KLK5: variants seen among roughly 807,000 people sequenced by gnomAD.
KLK5 encodes the protein kallikrein-5.
Under a neutral mutation model 24.0 loss-of-function variants are expected in KLK5, and 18 were observed. That is an observed-to-expected ratio of 0.75 (90% CI 0.52 to 1.11). The LOEUF is 1.11. Among genes scored for constraint, KLK5 ranks in the 50% most tolerant of loss-of-function variants. The pLI, the probability that KLK5 is intolerant of heterozygous loss-of-function variation, is 0.00. For synonymous variants in KLK5, 140 were observed against 154.0 expected (o/e 0.91, Z 0.67); for missense variants, 374 against 379.2 (o/e 0.99, Z 0.11).
chr19:50,952,020 C>T (rs2090691567), intron 2 of KLK5, among the ~76,000 whole-genome samples: 1 of 151,950 alleles, frequency 6.6e-6, no homozygotes, highest in Non-Finnish European at 1.5e-5. Context: ...CATACAGTCA[C>T]CCCTACACAG....
At position 50,950,135 on chromosome 19, in the gene KLK5, T is replaced by C. The variant is rs2090674456; in HGVS notation, c.74-19A>G. 2.6e-6 allele frequency: 4 copies of C among 1,568,080 alleles called. No homozygotes were observed. In the Admixed American group the frequency reaches 5.0e-5, roughly 20 times the overall value. On this transcript the variant is annotated intron_variant, in intron 2 of 5. Transcript: ENST00000336334. ...ACATGCTCTGGGAACGGAAAATGGG[T>C]TGGGCGGGGCTCAGAGGCGGGGCTT...
At chr19:50,943,850 T>A in intron 5 of KLK5, 64 bp from the exon 6 acceptor site, 1 of 1,372,196 alleles carries the variant, frequency 7.3e-7, no homozygotes, top group Non-Finnish European at 1.0e-6. Context: ...GAAGGAGACA[T>A]GAGAGACCCA....
chr19:50,948,537 C>T, intron 5 of KLK5, 103 bp downstream of exon 5: 2 of 1,171,398 alleles, frequency 1.7e-6, no homozygotes, highest in Non-Finnish European at 2.5e-6. Flanking sequence ...AACAGGGGTC[C>T]TGACTGTCTT....
In KLK5 at chr19:50,947,771, A is replaced by G. The variant is rs550263834; in HGVS notation, c.726+869T>C. On this transcript the variant is annotated intron_variant, in intron 5 of 5. Transcript: ENST00000336334. The surrounding 1 kb of genome is among the most constrained non-coding windows in gnomAD (Gnocchi z 8.7). ...AACTACCACACGCCTGAAAACTGCC[A>G]AAACTGACATCTGTAACACGGAGTG... Among the ~76,000 whole-genome samples the G allele has an allele frequency of 3.9e-5, 6 of 152,350 alleles. No homozygotes were observed. In the East Asian group the frequency reaches 9.6e-4, roughly 24 times the overall value.
intron 2 of KLK5, among the ~76,000 whole-genome samples, chr19:50,952,191 T>TG (rs1555779062): frequency 1.3e-5 from 2 of 150,574 alleles, no homozygotes; most frequent in Admixed American, 1.3e-4. Context: ...GAACTGCAGA[T>TG]ACCTGCAGTC....
At position 50,949,797 on chromosome 19, in the gene KLK5, C is replaced by CCGTCCCCACCAGCCCT; in HGVS notation, c.335+57_335+58insAGGGCTGGTGGGGACG. The stretch of plus-strand genomic sequence containing the variant: ...CCATGACACCCCCACCCCCACTTCC[C>CCGTCCCCACCAGCCCT]CACCCCCACCCCCACTTCCCCGTCC... On this transcript the variant is annotated intron_variant, in intron 3 of 5. Coordinates refer to ENST00000336334, the MANE Select transcript of KLK5 (RefSeq NM_012427.5). The CCGTCCCCACCAGCCCT allele has an allele frequency of 1.9e-5, 4 of 213,388 alleles. 1 individual carries two copies. Among genetic ancestry groups the CCGTCCCCACCAGCCCT allele is most frequent in the South Asian group, 5.3e-5 (1 of 19,034 alleles). 13.2% of individuals were successfully genotyped at this position (213,388 alleles called of 1,614,324 possible).
chr19:50,947,562 C>T lies in KLK5; in HGVS notation c.726+1078G>A, dbSNP rs1174505291. Among the ~76,000 whole-genome samples the T allele has an allele frequency of 2.6e-5, 4 of 152,114 alleles. No individual in the cohort carries two copies. In the East Asian group the frequency reaches 7.7e-4, roughly 29 times the overall value. ...TGCCCTATTTATGCAGATTCTTGAC[C>T]ACAGAGTTTTTTATTTTTTAACTTT... On this transcript the variant is annotated intron_variant, in intron 5 of 5. Transcript: ENST00000336334. The surrounding 1 kb of genome is among the most constrained non-coding windows in gnomAD (Gnocchi z 8.7).
intron 3 of KLK5, 45 bp downstream of exon 3, chr19:50,949,810 C>CCA: frequency 7.6e-7 from 1 of 1,323,916 alleles, no homozygotes; most frequent in Non-Finnish European, 1.0e-6. Flanking sequence ...CCCCCACCCC[C>CCA]ACTTCCCCGT....
Position 50,949,060 on chromosome 19 carries a change from G to C in KLK5, c.391C>G (p.Gln131Glu), listed in dbSNP as rs1482512282. The C allele has an allele frequency of 1.2e-6, 2 of 1,613,648 alleles. No homozygotes were observed. The highest frequency in any genetic ancestry group is 1.7e-5 in the Admixed American group (1 of 59,984). The change falls in exon 4 of 6, where the codon CAG (glutamine) becomes GAG (glutamate). Residue 131 changes from glutamine to glutamate, a missense_variant. Physicochemically the swap from Gln to Glu is conservative, Grantham distance 29. Coordinates refer to ENST00000336334, the MANE Select transcript of KLK5 (RefSeq NM_012427.5). ...GATTTGACCCCCTGGAACATCTGCTGCCCAGATTCATAAACTGGTGACAGG... is the reference window on the plus strand; with the variant it reads ...GATTTGACCCCCTGGAACATCTGCTCCCCAGATTCATAAACTGGTGACAGG... ...YSLSPVYESG[Q>E]QMFQGVKSIP...
At chr19:50,951,445 G>C (rs1364230826) in intron 2 of KLK5, among the ~76,000 whole-genome samples, 2 of 151,910 alleles carry the variant, frequency 1.3e-5, no homozygotes, top group Non-Finnish European at 2.9e-5. Flanking sequence ...CTAATTTTTT[G>C]TATTTTTAGT....
intron 2 of KLK5, 71 bp downstream of exon 2, chr19:50,952,514 G>T: frequency 1.7e-6 from 2 of 1,159,374 alleles, no homozygotes; most frequent in Non-Finnish European, 2.5e-6. Flanking sequence ...TTCCCCAGGG[G>T]ACAGGCGCTC....
At chr19:50,949,164 G>A (rs375014648) in intron 3 of KLK5, 49 bp from the exon 4 acceptor site, 78 of 1,575,340 alleles carry the variant, frequency 5.0e-5, no homozygotes, top group Admixed American at 6.8e-5. Flanking sequence ...CTATCTCCAC[G>A]TCCAACGCCA....
In KLK5 at chr19:50,953,000, C is replaced by G. The variant is rs1377034325; in HGVS notation, c.-265G>C. On this transcript the variant is annotated 5_prime_UTR_variant, in exon 1 of 6. Coordinates refer to ENST00000336334, the MANE Select transcript of KLK5 (RefSeq NM_012427.5). ...GATTTGCTCCCAGCTCAGCCGCAGA[C>G]TTCTCAGGCCTGTGCCTTCCTGGCC... 4.8e-6 allele frequency: 1 copy of G among 209,656 alleles called. No homozygotes were observed. The highest frequency in any genetic ancestry group is 9.4e-6 in the Non-Finnish European group (1 of 105,920). 13.0% of individuals were successfully genotyped at this position (209,656 alleles called of 1,614,324 possible). A position where few individuals can be genotyped will look rare whatever the true frequency, so the allele number is the denominator to read the frequency against.
In KLK5 at chr19:50,943,755, C is replaced by T. The variant is rs1221892821; in HGVS notation, c.758G>A (p.Gly253Asp). Residue 253 changes from glycine to aspartate, a missense_variant, in exon 6 of 6, where the codon GGC (glycine) becomes GAC (aspartate). Gly to Asp is a moderately conservative substitution (Grantham distance 94). Coordinates refer to ENST00000336334, the MANE Select transcript of KLK5 (RefSeq NM_012427.5). ...GDSGGPVVCN[G>D]SLQGLVSWGD... ...CCAGGACACGAGTCCCTGCAGGGAG[C>T]CATTGCAGACCACAGGCCCCCCAGA... 1.2e-6 allele frequency: 2 copies of T among 1,613,450 alleles called. No individual in the cohort carries two copies. Among genetic ancestry groups the T allele is most frequent in the East Asian group, 2.2e-5 (1 of 44,842 alleles).
chr19:50,952,600 G>C lies in KLK5; in HGVS notation c.58C>G (p.Leu20Val), dbSNP rs780814101. The C allele has an allele frequency of 1.6e-5, 25 of 1,606,514 alleles. No homozygotes were observed. In the South Asian group the frequency reaches 2.1e-4, roughly 14 times the overall value. Residue 20 changes from leucine (L) to valine (V), a missense_variant, in exon 2 of 6, where the codon CTT (leucine) becomes GTT (valine). By Grantham distance (32) the Leu-to-Val change is conservative. Coordinates refer to ENST00000336334, the MANE Select transcript of KLK5 (RefSeq NM_012427.5). Reference protein sequence around the residue: ...WVLCALITALLLGVTEHVLAN... With the variant: ...WVLCALITALVLGVTEHVLAN... The stretch of plus-strand genomic sequence containing the variant: ...TTCTGGTTACCTGTGACCCCCAGAA[G>C]CAAGGCTGTGATCAGAGCACAGAGC...
intron 5 of KLK5, among the ~76,000 whole-genome samples, chr19:50,944,637 C>T (rs2090615336): frequency 6.6e-6 from 1 of 152,202 alleles, no homozygotes; most frequent in Non-Finnish European, 1.5e-5. Context: ...GATCTGGGCA[C>T]TGTGGGCATC....
chr19:50,949,166 C>T, intron 3 of KLK5, 51 bp from the exon 4 acceptor site: 1 of 1,574,314 alleles, frequency 6.4e-7, no homozygotes, highest in Non-Finnish European at 8.6e-7. Context: ...ATCTCCACGT[C>T]CAACGCCAAT....
chr19:50,952,458 A>G, intron 2 of KLK5, 127 bp downstream of exon 2: 1 of 575,502 alleles, frequency 1.7e-6, no homozygotes, highest in Non-Finnish European at 2.9e-6. Flanking sequence ...GTACAGACAG[A>G]GACTCACATT....
chr19:50,950,973 G>T (rs1416741984), intron 2 of KLK5, among the ~76,000 whole-genome samples: 1 of 151,398 alleles, frequency 6.6e-6, no homozygotes, highest in Non-Finnish European at 1.5e-5. Context: ...TGGCCCAAAG[G>T]GGTGTGGCCT....
Sources: allele counts gnomAD v4.1 joint callset (sites outside exome capture counted in the v4.1 genomes callset), GRCh38; gene constraint gnomAD v4.1.1; non-coding constraint Gnocchi (gnomAD v3.1); transcripts MANE v1.5; gene names NCBI Gene and HGNC (gene_info 2026-07-23, HGNC 2026-07-21).